Variants in KCNG2 observed in about 807,000 individuals in gnomAD.
KCNG2 encodes the protein voltage-gated potassium channel regulatory subunit KCNG2.
In KCNG2, 7 loss-of-function variants were observed where a neutral mutation model predicts 12.3. The observed-to-expected ratio is 0.57, with a 90% CI of 0.32 to 1.07. The LOEUF (loss-of-function observed/expected upper bound fraction) is 1.07, where lower values mean the gene tolerates loss of function less well. Ranked by LOEUF, KCNG2 falls within the 50% of genes least tolerant of loss-of-function variation. KCNG2 has a pLI of 0.04. For synonymous variants in KCNG2, 414 were observed against 351.4 expected (o/e 1.18, Z -1.99); for missense variants, 703 against 726.0 (o/e 0.97, Z 0.36).
Position 79,884,303 on chromosome 18 carries a change from A to G in KCNG2, c.625-14737A>G, listed in dbSNP as rs977867768. On this transcript the variant is annotated intron_variant, in intron 3 of 3. Coordinates refer to ENST00000316249, the MANE Select transcript of KCNG2 (RefSeq NM_012283.2). This position sits in a 1 kb window ranked among gnomAD's most constrained non-coding sequence, Gnocchi z 5.5. ...CTGCACCCCCAAGAGAATTCGCCCCATCTAGGTCCCACCTAATGACACACA... is the reference window on the plus strand; with the variant it reads ...CTGCACCCCCAAGAGAATTCGCCCCGTCTAGGTCCCACCTAATGACACACA... 2.4e-5 allele frequency among the ~76,000 whole-genome samples: 3 copies of G among 126,460 alleles called. No homozygotes were observed. The highest frequency in any genetic ancestry group is 4.9e-5 in the Non-Finnish European group (3 of 61,092). The allele number at this position is 126,460 out of a possible 152,430, so 83.0% of individuals were successfully genotyped here.
chr18:79,854,037 CT>C (rs1978919523), intron 1 of KCNG2, among the ~76,000 whole-genome samples: 2 of 152,264 alleles, frequency 1.3e-5, no homozygotes, highest in African/African-American at 4.8e-5. Context: ...CAGGGTAGCC[CT>C]GCCTGGTTCC....
At chr18:79,842,153 T>C (rs1381195506) in intron 1 of KCNG2, among the ~76,000 whole-genome samples, 1 of 152,188 alleles carries the variant, frequency 6.6e-6, no homozygotes, top group Non-Finnish European at 1.5e-5. Context: ...GGGTGGCCTC[T>C]GCAGCCCAGG....
chr18:79,889,271 T>C (rs1360552333), intron 3 of KCNG2, among the ~76,000 whole-genome samples: 1 of 152,262 alleles, frequency 6.6e-6, no homozygotes, highest in Non-Finnish European at 1.5e-5. Context: ...TCTGTAACTT[T>C]AGCACCCACA....
chr18:79,798,141 G>C (rs2087377023), intron 1 of KCNG2, among the ~76,000 whole-genome samples, 127 bp downstream of exon 1: 1 of 151,532 alleles, frequency 6.6e-6, no homozygotes, highest in Non-Finnish European at 1.5e-5. Flanking sequence ...TTCTTCTCCG[G>C]GTGCGCGGTG....
chr18:79,899,290 C>T lies in KCNG2; in HGVS notation c.875C>T (p.Ala292Val), dbSNP rs376845551. 11 of 1,570,136 alleles carry T rather than the reference C, an allele frequency of 7.0e-6. 1 individual carries two copies. Among genetic ancestry groups the T allele is most frequent in the East Asian group, 6.9e-5 (3 of 43,630 alleles). ...RAGLVLRLLR[A>V]LRVLYVMRLA... is the part of the protein sequence containing the mutation. The stretch of plus-strand genomic sequence containing the variant: ...GGGCTGGTGCTGCGGCTGCTGCGTG[C>T]GCTGCGCGTGCTCTACGTGATGCGC... The change falls in exon 4 of 4, where the codon GCG becomes GTG. Residue 292 changes from alanine (A) to valine (V), a missense_variant. Transcript: ENST00000316249.
chr18:79,812,100 T>C (rs1030577053), intron 1 of KCNG2, among the ~76,000 whole-genome samples: 3 of 152,042 alleles, frequency 2.0e-5, no homozygotes, highest in Non-Finnish European at 4.4e-5. Flanking sequence ...AAGACATAGA[T>C]CTACAGATTC....
intron 1 of KCNG2, among the ~76,000 whole-genome samples, chr18:79,837,884 T>C (rs1255626594): frequency 6.6e-6 from 1 of 152,176 alleles, no homozygotes; most frequent in Non-Finnish European, 1.5e-5. Context: ...ATTTTCTGTA[T>C]TAGTCCATTT....
intron 1 of KCNG2, among the ~76,000 whole-genome samples, chr18:79,799,440 G>A (rs1169848082): frequency 6.6e-6 from 1 of 152,194 alleles, no homozygotes; most frequent in Non-Finnish European, 1.5e-5. Context: ...TGGGATTGCC[G>A]GGCTTTCTTA....
At chr18:79,823,303 T>C (rs377126766) in intron 1 of KCNG2, among the ~76,000 whole-genome samples, 3 of 152,206 alleles carry the variant, frequency 2.0e-5, no homozygotes, top group African/African-American at 7.2e-5. Context: ...TCTCCACCTG[T>C]GCTGCTGTGA....
intron 3 of KCNG2, among the ~76,000 whole-genome samples, chr18:79,890,345 AGTGGGTAT>A (rs1980701460): frequency 6.6e-6 from 1 of 152,064 alleles, no homozygotes. Context: ...TTTTAGGTTC[AGTGGGTAT>A]GTGTGCAGCT....
chr18:79,799,314 C>G (rs1273046539), intron 1 of KCNG2, among the ~76,000 whole-genome samples: 3 of 152,174 alleles, frequency 2.0e-5, no homozygotes, highest in African/African-American at 7.2e-5. Flanking sequence ...TTCCCGAGAC[C>G]CCAAGCAGAA....
Position 79,899,283 on chromosome 18 carries a change from C to G in KCNG2, c.868C>G (p.Leu290Val). 6.4e-7 allele frequency: 1 copy of G among 1,571,212 alleles called. No individual in the cohort carries two copies. The highest frequency in any genetic ancestry group is 8.6e-7 in the Non-Finnish European group (1 of 1,167,330). Residue 290 changes from leucine to valine, a missense_variant, in exon 4 of 4, where the codon CTG becomes GTG. Leu to Val is a conservative substitution (Grantham distance 32). Coordinates refer to ENST00000316249, the MANE Select transcript of KCNG2 (RefSeq NM_012283.2). ...LERAGLVLRL[L>V]RALRVLYVMR... is the part of the protein sequence containing the mutation. ...GCGCGCGGGGCTGGTGCTGCGGCTG[C>G]TGCGTGCGCTGCGCGTGCTCTACGT...
In KCNG2 at chr18:79,833,372, C is replaced by T. The variant is rs151103941; in HGVS notation, c.-114-23007C>T. 2.9e-3 allele frequency among the ~76,000 whole-genome samples: 447 copies of T among 152,322 alleles called. 3 individuals are homozygous for T. The highest frequency in any genetic ancestry group is 0.01 in the African/African-American group (432 of 41,572). ...CCCTGGCTGGTCTCAAACTCCTGGG[C>T]TCAAGTGATATGCCTGCCTCAGCGT... On this transcript the variant is annotated intron_variant, in intron 1 of 3. Transcript: ENST00000316249.
intron 1 of KCNG2, among the ~76,000 whole-genome samples, chr18:79,824,501 G>A (rs1047357978): frequency 1.1e-4 from 16 of 152,158 alleles, no homozygotes; most frequent in African/African-American, 3.9e-4. Context: ...GCTTCTGATT[G>A]ATTTTTGCTG....
Position 79,884,039 on chromosome 18 carries a change from AC to A in KCNG2, c.625-14996del, listed in dbSNP as rs534313551. Among the ~76,000 whole-genome samples, 1,391 of 147,978 alleles carry A rather than the reference AC, an allele frequency of 9.4e-3. 13 individuals are homozygous for A. The highest frequency in any genetic ancestry group is 0.028 in the Admixed American group (421 of 14,928). On this transcript the variant is annotated intron_variant, in intron 3 of 3. Transcript: ENST00000316249. The surrounding 1 kb of genome is among the most constrained non-coding windows in gnomAD (Gnocchi z 5.5). The stretch of plus-strand genomic sequence containing the variant: ...CCCACGTCCTGACGTTTCTATCCCA[AC>A]CCCCGCCCTGCCATCTTTTCTTCTC...
In KCNG2 at chr18:79,806,611, T is replaced by C. The variant is rs949746194; in HGVS notation, c.-115+8597T>C. ...CTTTTATCTCTCAAATGATGGTTTTTAGAAAAAAATTGGTAAAATTAATAC... is the reference window on the plus strand; with the variant it reads ...CTTTTATCTCTCAAATGATGGTTTTCAGAAAAAAATTGGTAAAATTAATAC... On this transcript the variant is annotated intron_variant, in intron 1 of 3. Coordinates refer to ENST00000316249, the MANE Select transcript of KCNG2 (RefSeq NM_012283.2). Among the ~76,000 whole-genome samples, 5 of 152,328 alleles carry C rather than the reference T, an allele frequency of 3.3e-5. 1 individual carries two copies. In the East Asian group the frequency reaches 9.6e-4, roughly 29 times the overall value.
chr18:79,856,806 C>T (rs560537778), intron 2 of KCNG2, among the ~76,000 whole-genome samples: 8 of 152,078 alleles, frequency 5.3e-5, no homozygotes, highest in Non-Finnish European at 7.4e-5. Context: ...CACGTTCAGA[C>T]GACTTCCTGC....
chr18:79,899,344 C>T lies in KCNG2; in HGVS notation c.929C>T (p.Ser310Leu), dbSNP rs746017621. 41 of 1,553,498 alleles carry T rather than the reference C, an allele frequency of 2.6e-5. No individual in the cohort carries two copies. The Admixed American group carries it at 4.0e-4, about 15-fold the overall frequency. The change falls in exon 4 of 4, where the codon TCG (serine) becomes TTG (leucine). Residue 310 changes from serine (S) to leucine (L), a missense_variant. Coordinates refer to ENST00000316249, the MANE Select transcript of KCNG2 (RefSeq NM_012283.2). The stretch of plus-strand genomic sequence containing the variant: ...GCGCGCCACTCGCTGGGGCTGCGTT[C>T]GCTGGGCCTGACCATGCGCCGCTGC... Reference protein sequence around the residue: ...RLARHSLGLRSLGLTMRRCAR... With the variant: ...RLARHSLGLRLLGLTMRRCAR...
chr18:79,812,134 A>T (rs1256172393), intron 1 of KCNG2, among the ~76,000 whole-genome samples: 6 of 152,218 alleles, frequency 3.9e-5, no homozygotes, highest in Non-Finnish European at 7.3e-5. Flanking sequence ...ACAACAGGAA[A>T]ATCTCCAGAT....
Sources: gnomAD v4.1 joint callset for allele counts (sites outside exome capture counted in the v4.1 genomes callset) on GRCh38, gnomAD v4.1.1 for gene constraint, Gnocchi (gnomAD v3.1) non-coding constraint, MANE v1.5 for transcripts, NCBI Gene and HGNC (gene_info 2026-07-23, HGNC 2026-07-21) for gene names.